SNRPN: variants seen among roughly 807,000 people sequenced by gnomAD.
SNRPN encodes the protein small nuclear ribonucleoprotein-associated protein N.
A neutral mutation model predicts 25.2 loss-of-function variants in SNRPN; 7 were observed. The ratio of observed to expected loss-of-function variants is 0.28; its 90% confidence interval spans 0.16 to 0.52. The LOEUF is 0.52. Ranked by LOEUF, SNRPN falls within the 20% of genes least tolerant of loss-of-function variation. The pLI, the probability that SNRPN is intolerant of heterozygous loss-of-function variation, is 0.96. For synonymous variants in SNRPN, 124 were observed against 110.6 expected (o/e 1.12, Z -0.76); for missense variants, 196 against 322.5 (o/e 0.61, Z 3.00).
At chr15:24,832,673 G>T (rs964573779) in intron 2 of SNRPN, among the ~76,000 whole-genome samples, 1 of 151,964 alleles carries the variant, frequency 6.6e-6, no homozygotes, top group African/African-American at 2.4e-5. Context: ...AATAAGCCTT[G>T]CTACCGGTCA....
intron 2 of SNRPN, among the ~76,000 whole-genome samples, chr15:24,841,710 G>T (rs376829294): frequency 6.6e-6 from 1 of 152,170 alleles, no homozygotes; most frequent in East Asian, 1.9e-4. Flanking sequence ...TAGCCACACT[G>T]CGTAAGATTT....
At chr15:24,920,825 G>T (rs948303959) in intron 3 of SNRPN, among the ~76,000 whole-genome samples, 2 of 152,128 alleles carry the variant, frequency 1.3e-5, no homozygotes, top group Non-Finnish European at 2.9e-5. Context: ...GGACCAAATT[G>T]CCTCCAAAAT....
At chr15:24,889,219 A>G (rs2150327613) in intron 2 of SNRPN, among the ~76,000 whole-genome samples, 1 of 151,026 alleles carries the variant, frequency 6.6e-6, no homozygotes, top group South Asian at 2.1e-4. Flanking sequence ...TGCCCAGCTG[A>G]GAAGTTTCTT....
chr15:24,843,779 T>G (rs1175863111), intron 2 of SNRPN, among the ~76,000 whole-genome samples: 1 of 79,262 alleles, frequency 1.3e-5, no homozygotes, highest in African/African-American at 4.3e-5. Flanking sequence ...AGAGTGAGAC[T>G]CCATCACAAA....
intron 1 of SNRPN, among the ~76,000 whole-genome samples, chr15:24,875,418 A>G (rs1449951470): frequency 6.6e-6 from 1 of 152,188 alleles, no homozygotes; most frequent in Non-Finnish European, 1.5e-5. Context: ...ATAGTCATGA[A>G]ATTATTTTTC....
intron 3 of SNRPN, among the ~76,000 whole-genome samples, chr15:24,927,493 T>TTTTTTTTAC (rs2060482069): frequency 3.6e-5 from 1 of 27,886 alleles, no homozygotes; most frequent in African/African-American, 1.5e-4. Flanking sequence ...TTTTTTTTTT[T>TTTTTTTTAC]TTTTTTTTTT....
chr15:24,854,111 A>G (rs912468290), upstream of SNRPN, among the ~76,000 whole-genome samples: 3 of 152,108 alleles, frequency 2.0e-5, no homozygotes, highest in Non-Finnish European at 4.4e-5. Context: ...ACTCTTGGCT[A>G]TTGGAAGGTC....
intron 1 of SNRPN, among the ~76,000 whole-genome samples, chr15:24,865,139 C>G (rs2054450551): frequency 6.6e-6 from 1 of 151,398 alleles, no homozygotes; most frequent in African/African-American, 2.4e-5. Flanking sequence ...CTCTGCCTCC[C>G]AGGTTCAAGC....
rs1267024148 is a variant in SNRPN, at chr15:24,978,677, T to C, written c.*233T>C. On this transcript the variant is annotated 3_prime_UTR_variant, in exon 10 of 10. Transcript: ENST00000390687. ...ATGCCTATTAAGCAGTTGATTCAAA[T>C]CATATTCTCTTTAATTCTTAGGATA... 9 of 565,254 alleles carry C rather than the reference T, an allele frequency of 1.6e-5. No homozygotes were observed. The highest frequency in any genetic ancestry group is 2.5e-5 in the Non-Finnish European group (8 of 320,922). 35.0% of individuals were successfully genotyped at this position (565,254 alleles called of 1,614,324 possible).
intron 2 of SNRPN, among the ~76,000 whole-genome samples, chr15:24,833,634 G>A (rs978226617): frequency 2.0e-5 from 3 of 152,036 alleles, no homozygotes; most frequent in African/African-American, 4.8e-5. Flanking sequence ...TTTCATAGAG[G>A]AAGAAGGCGA....
chr15:24,913,179 A>T (rs2059316834), intron 2 of SNRPN, among the ~76,000 whole-genome samples: 1 of 152,122 alleles, frequency 6.6e-6, no homozygotes, highest in Non-Finnish European at 1.5e-5. Context: ...ACCTTAGGTG[A>T]TCTGGCCCCA....
chr15:24,881,074 A>T (rs1445646657), intron 1 of SNRPN, among the ~76,000 whole-genome samples: 3 of 152,212 alleles, frequency 2.0e-5, no homozygotes, highest in Admixed American at 2.0e-4. Flanking sequence ...AACTAAAAAA[A>T]AATTGAGCCT....
intron 2 of SNRPN, among the ~76,000 whole-genome samples, chr15:24,915,298 T>C (rs1451082412): frequency 6.6e-6 from 1 of 151,920 alleles, no homozygotes; most frequent in Non-Finnish European, 1.5e-5. Context: ...CGGCTAATTT[T>C]TGTATTTTTA....
At chr15:24,853,214 T>C (rs1374119733), upstream of SNRPN, among the ~76,000 whole-genome samples, 2 of 152,212 alleles carry the variant, frequency 1.3e-5, no homozygotes, top group African/African-American at 4.8e-5. Flanking sequence ...CATTCACTGC[T>C]ATCCATGCTT....
chr15:24,956,959 A>G (rs1165574076), intron 1 of SNRPN, among the ~76,000 whole-genome samples: 1 of 152,204 alleles, frequency 6.6e-6, no homozygotes. Flanking sequence ...GCAAGCCTCC[A>G]TTAATGATAG....
chr15:24,949,512 A>G (rs1462573769), intron 3 of SNRPN, among the ~76,000 whole-genome samples: 1 of 152,044 alleles, frequency 6.6e-6, no homozygotes, highest in East Asian at 1.9e-4. Context: ...TTACCTGGGC[A>G]TGGTGGTGCA....
intron 2 of SNRPN, among the ~76,000 whole-genome samples, chr15:24,904,351 A>G (rs1184197389): frequency 6.6e-6 from 1 of 152,132 alleles, no homozygotes; most frequent in Non-Finnish European, 1.5e-5. Flanking sequence ...CATAGTTCAT[A>G]TTTTATTAGA....
intron 2 of SNRPN, among the ~76,000 whole-genome samples, chr15:24,897,282 A>T (rs1329722143): frequency 1.3e-5 from 2 of 152,196 alleles, no homozygotes; most frequent in Non-Finnish European, 2.9e-5. Context: ...TAATATATTT[A>T]CATTGTTGTA....
At chr15:24,931,192 T>A (rs1351295247) in intron 3 of SNRPN, among the ~76,000 whole-genome samples, 1 of 152,230 alleles carries the variant, frequency 6.6e-6, no homozygotes, top group Non-Finnish European at 1.5e-5. Flanking sequence ...CTGGTTTTTA[T>A]TTTTGCCTGG....
Sources: gnomAD v4.1 joint callset for allele counts (sites outside exome capture counted in the v4.1 genomes callset) on GRCh38, gnomAD v4.1.1 for gene constraint, MANE v1.5 for transcripts, NCBI Gene and HGNC (gene_info 2026-07-23, HGNC 2026-07-21) for gene names.